The following ZNF732 variants were observed in gnomAD, a reference collection of about 807,000 sequenced individuals.
ZNF732 encodes zinc finger protein 732, also known as zinc finger protein LOC654254.
A neutral mutation model predicts 11.5 loss-of-function variants in ZNF732; 12 were observed. The ratio of observed to expected loss-of-function variants is 1.05; its 90% CI spans 0.67 to 1.70. The LOEUF (loss-of-function observed/expected upper bound fraction) is 1.70. ZNF732 is among the 40% of genes most tolerant of loss of function. The pLI is 0.00. For synonymous variants in ZNF732, 231 were observed against 236.5 expected, an observed-to-expected ratio of 0.98 and a Z score of 0.21; for missense variants, 702 against 676.9, an observed-to-expected ratio of 1.04 and a Z score of -0.41.
intron 3 of ZNF732, among the ~76,000 whole-genome samples, chr4:290,756 A>G (rs1238435849): frequency 2.0e-5 from 3 of 152,196 alleles, no homozygotes; most frequent in South Asian, 2.1e-4. Context: ...AGAAGAATCC[A>G]TAACTGTCCA....
At chr4:273,491 G>T (rs1553838188) in intron 3 of ZNF732, among the ~76,000 whole-genome samples, 2 of 151,774 alleles carry the variant, frequency 1.3e-5, no homozygotes, top group African/African-American at 4.8e-5. Flanking sequence ...AATGTAACCT[G>T]AATAATGCTG....
chr4:299,439 A>ATATATATACACATATGTGTG (rs1560165208), intron 1 of ZNF732, among the ~76,000 whole-genome samples: 1 of 45,820 alleles, frequency 2.2e-5, no homozygotes, highest in Non-Finnish European at 4.2e-5. Flanking sequence ...ATATGTGTAT[A>ATATATATACACATATGTGTG]TATATATATA....
At chr4:288,770 T>C (rs781853679) in intron 3 of ZNF732, among the ~76,000 whole-genome samples, 3 of 152,180 alleles carry the variant, frequency 2.0e-5, no homozygotes, top group Non-Finnish European at 4.4e-5. Flanking sequence ...TTCCAAAAAG[T>C]AGGCTGGGCG....
chr4:289,329 T>C (rs1986557), intron 3 of ZNF732, among the ~76,000 whole-genome samples: 26,963 of 152,290 alleles, frequency 0.18, 2,613 homozygotes, highest in South Asian at 0.35. Context: ...AATCCACTCC[T>C]TTTACTTTCC....
intron 3 of ZNF732, among the ~76,000 whole-genome samples, chr4:286,736 T>C (rs1719739123): frequency 6.6e-6 from 1 of 152,268 alleles, no homozygotes; most frequent in Admixed American, 6.5e-5. Context: ...TGTGCAAGTT[T>C]GTTATACAGG....
At position 272,328 on chromosome 4, in the gene ZNF732, G is replaced by T. The variant is rs782796107; in HGVS notation, c.529C>A (p.Gln177Lys). Residue 177 changes from glutamine to lysine, a missense_variant, in exon 4 of 4, where the codon CAG (glutamine) becomes AAG (lysine). Physicochemically the swap from Gln to Lys is moderately conservative, Grantham distance 53 (BLOSUM62 1). Around this residue, in one of 3 missense-constraint regions of ZNF732, gnomAD observed 596 missense variants for 557.9 expected, o/e 1.07. Transcript: ENST00000419098. ...TGTTGAGTTAGGTCTGAGAACTTCTGAAATGACTTGCCACATTCTTTAAAG... is the reference window on the plus strand; with the variant it reads ...TGTTGAGTTAGGTCTGAGAACTTCTTAAATGACTTGCCACATTCTTTAAAG... ...KHFKECGKSF[Q>K]KFSDLTQHQG... The T allele has an allele frequency of 3.7e-6, 6 of 1,611,126 alleles. No homozygotes were observed. Among genetic ancestry groups the T allele is most frequent in the Non-Finnish European group, 5.1e-6 (6 of 1,178,386 alleles).
At chr4:276,844 C>A (rs1480223427) in intron 3 of ZNF732, among the ~76,000 whole-genome samples, 1 of 150,772 alleles carries the variant, frequency 6.6e-6, no homozygotes, top group Non-Finnish European at 1.5e-5. Flanking sequence ...CCCCAAATAG[C>A]AAAAGTAATC....
In ZNF732 at chr4:271,057, G is replaced by C; in HGVS notation, c.*42C>G. On this transcript the variant is annotated 3_prime_UTR_variant, in exon 4 of 4. Transcript: ENST00000419098. The stretch of plus-strand genomic sequence containing the variant: ...TATAAATTTTCTTATGTTCATTCAG[G>C]TTTGTGGATCATCCAAAGGCTTTGC... The C allele has an allele frequency of 7.1e-7, 1 of 1,415,098 alleles. No homozygotes were observed. Among genetic ancestry groups the C allele is most frequent in the South Asian group, 1.4e-5 (1 of 69,520 alleles). The allele number at this position is 1,415,098 out of a possible 1,614,324, so 87.7% of individuals were successfully genotyped here. A position where few individuals can be genotyped will look rare whatever the true frequency, so the allele number is the denominator to read the frequency against.
intron 3 of ZNF732, among the ~76,000 whole-genome samples, chr4:292,664 G>A (rs1202007404): frequency 1.3e-5 from 2 of 151,158 alleles, no homozygotes; most frequent in Non-Finnish European, 3.0e-5. Context: ...TAGGCAAAAG[G>A]TTAGATTTTT....
intron 1 of ZNF732, among the ~76,000 whole-genome samples, chr4:299,862 A>ATTTT (rs146854504): frequency 1.6e-5 from 2 of 124,320 alleles, no homozygotes; most frequent in Non-Finnish European, 3.4e-5. Context: ...ATGCCGGCTA[A>ATTTT]TTTTTTTTTT....
At chr4:279,735 A>C (rs1719579156) in intron 3 of ZNF732, among the ~76,000 whole-genome samples, 1 of 152,208 alleles carries the variant, frequency 6.6e-6, no homozygotes, top group South Asian at 2.1e-4. Flanking sequence ...CTACCTAAAA[A>C]GGTTACATTT....
chr4:304,474 T>C (rs1344769119), intron 1 of ZNF732, among the ~76,000 whole-genome samples: 2 of 152,086 alleles, frequency 1.3e-5, no homozygotes, highest in African/African-American at 4.8e-5. Context: ...CATCAGTCAA[T>C]GCTCCAACCC....
In ZNF732 at chr4:271,674, A is replaced by G. The variant is rs553556071; in HGVS notation, c.1183T>C (p.Cys395Arg). ...GTGAACCGACTAAAGGCTTTTCCAC[A>G]TTCTTCACATGTGTAGGGTTTCTCT... ...TGEKPYTCEE[C>R]GKAFSRFTTL... Residue 395 changes from cysteine (C) to arginine (R), a missense_variant, in exon 4 of 4, where the codon TGT becomes CGT. By Grantham distance (180) the Cys-to-Arg change is radical. Around this residue, in one of 3 missense-constraint regions of ZNF732, gnomAD observed 596 missense variants for 557.9 expected, o/e 1.07. Coordinates refer to ENST00000419098, the MANE Select transcript of ZNF732 (RefSeq NM_001137608.3). 2 of 1,611,812 alleles carry G rather than the reference A, an allele frequency of 1.2e-6. No individual in the cohort carries two copies. Among genetic ancestry groups the G allele is most frequent in the Non-Finnish European group, 1.7e-6 (2 of 1,178,862 alleles).
intron 3 of ZNF732, among the ~76,000 whole-genome samples, chr4:294,325 C>A (rs781876013): frequency 2.6e-5 from 4 of 152,170 alleles, no homozygotes; most frequent in Non-Finnish European, 4.4e-5. Flanking sequence ...TAAAATGATA[C>A]GTTGCTTCAC....
At chr4:301,616 G>A (rs1188703494) in intron 1 of ZNF732, among the ~76,000 whole-genome samples, 2 of 152,138 alleles carry the variant, frequency 1.3e-5, no homozygotes. Context: ...ACTATCACAA[G>A]GACAAAAAAC....
At chr4:280,046 G>C (rs1296477773) in intron 3 of ZNF732, among the ~76,000 whole-genome samples, 2 of 151,908 alleles carry the variant, frequency 1.3e-5, no homozygotes, top group Middle Eastern at 3.2e-3. Context: ...AAAAGGTACA[G>C]AGTTGAAAAT....
At chr4:296,416 A>T (rs1560163944) in intron 1 of ZNF732, among the ~76,000 whole-genome samples, 1 of 152,060 alleles carries the variant, frequency 6.6e-6, no homozygotes, top group Non-Finnish European at 1.5e-5. Context: ...GACCTCCTGG[A>T]AAAAAAGATT....
At chr4:294,766 C>G (rs1553841901) in intron 3 of ZNF732, among the ~76,000 whole-genome samples, 1 of 152,106 alleles carries the variant, frequency 6.6e-6, no homozygotes, top group Non-Finnish European at 1.5e-5. Flanking sequence ...CCCAAGGAAG[C>G]CAAAAGGTTG....
intron 3 of ZNF732, among the ~76,000 whole-genome samples, chr4:284,870 C>CAAAA (rs1163209652): frequency 5.5e-4 from 30 of 54,730 alleles, no homozygotes; most frequent in Admixed American, 8.3e-4. Flanking sequence ...GACTCTGTCT[C>CAAAA]AAAAAAAAAA....
Sources: allele counts gnomAD v4.1 joint callset (sites outside exome capture counted in the v4.1 genomes callset), GRCh38; gene constraint gnomAD v4.1.1; regional missense constraint gnomAD v4.1.1; transcripts MANE v1.5; gene names NCBI Gene and HGNC (gene_info 2026-07-23, HGNC 2026-07-21).